CEP162: variants seen among roughly 807,000 people sequenced by gnomAD.
CEP162 encodes centrosomal protein 162.
A neutral mutation model predicts 169.2 loss-of-function variants in CEP162; 141 were observed. The observed-to-expected ratio is 0.83, with a 90% CI of 0.73 to 0.96. CEP162 has a LOEUF of 0.96. CEP162 is among the 40% of genes least tolerant of loss of function. The pLI is 0.00. For synonymous variants in CEP162, 540 were observed against 526.4 expected, an observed-to-expected ratio of 1.03 and a Z score of -0.35; for missense variants, 1,600 against 1,587.2, an observed-to-expected ratio of 1.01 and a Z score of -0.14.
chr6:84,160,612 A>C (rs527660822), intron 21 of CEP162, among the ~76,000 whole-genome samples, 200 bp downstream of exon 21: 12 of 152,316 alleles, frequency 7.9e-5, no homozygotes, highest in African/African-American at 2.9e-4. Flanking sequence ...CATCTTACGA[A>C]TGAGGCACAT....
intron 25 of CEP162, among the ~76,000 whole-genome samples, chr6:84,135,822 C>T (rs1272416693): frequency 6.6e-6 from 1 of 152,102 alleles, no homozygotes. Context: ...GAGATTGTGC[C>T]ACTGCACTCC....
chr6:84,151,778 C>G (rs2099521219), intron 23 of CEP162, among the ~76,000 whole-genome samples: 1 of 151,714 alleles, frequency 6.6e-6, no homozygotes, highest in African/African-American at 2.4e-5. Context: ...AGGGGAGAAG[C>G]CATTTCAGGA....
At chr6:84,188,888 AT>A (rs113812632) in intron 11 of CEP162, among the ~76,000 whole-genome samples, 3 of 150,924 alleles carry the variant, frequency 2.0e-5, no homozygotes, top group Non-Finnish European at 4.4e-5. Flanking sequence ...CAACCAGCAT[AT>A]TTTTTTTTGT....
chr6:84,155,346 A>G lies in CEP162; in HGVS notation c.2946T>C (p.Asp982=), dbSNP rs189932157. 80 of 1,613,628 alleles carry G rather than the reference A, an allele frequency of 5.0e-5. No homozygotes were observed. In the Admixed American group the frequency reaches 6.0e-4, roughly 12 times the overall value. The part of the protein sequence containing the change: ...LEADLEGKDE[D]AKKSLRTMEQ... The stretch of plus-strand genomic sequence containing the variant: ...CCATGGTACGAAGGCTTTTCTTTGC[A>G]TCTTCATCTTTGCCCTCCAGATCAG... The change falls in exon 22 of 27, where the codon GAT becomes GAC. Residue 982 remains aspartate, a synonymous_variant. Transcript: ENST00000403245.
chr6:84,160,624 A>C (rs1402248055), intron 21 of CEP162, among the ~76,000 whole-genome samples, 188 bp downstream of exon 21: 1 of 152,230 alleles, frequency 6.6e-6, no homozygotes, highest in East Asian at 1.9e-4. Flanking sequence ...GAGGCACATT[A>C]GTCTAAAAAT....
intron 25 of CEP162, among the ~76,000 whole-genome samples, chr6:84,131,428 C>T (rs2099511390): frequency 6.6e-6 from 1 of 152,108 alleles, no homozygotes; most frequent in Non-Finnish European, 1.5e-5. Context: ...GTTGATCTGT[C>T]TAATGTTGAC....
chr6:84,143,866 A>G (rs951880944), intron 25 of CEP162, among the ~76,000 whole-genome samples: 6 of 151,952 alleles, frequency 3.9e-5, no homozygotes, highest in Admixed American at 6.6e-5. Flanking sequence ...GAAAGCAAAG[A>G]TTTTGTGTTT....
intron 16 of CEP162, among the ~76,000 whole-genome samples, chr6:84,173,325 T>A (rs1331619109): frequency 1.3e-5 from 2 of 152,182 alleles, no homozygotes; most frequent in Non-Finnish European, 2.9e-5. Context: ...ATGCACTTAA[T>A]ACCCTGATAA....
Position 84,183,347 on chromosome 6 carries a change from A to T in CEP162, c.1663+1840T>A, listed in dbSNP as rs59620576. On this transcript the variant is annotated intron_variant, in intron 13 of 26. Coordinates refer to ENST00000403245, the MANE Select transcript of CEP162 (RefSeq NM_014895.4). ...TTCTTGGTCATTTCAGCATACTCAC[A>T]GGTGATCCTTTCAACTCCCTGGCTT... Among the ~76,000 whole-genome samples, 566 of 152,198 alleles carry T rather than the reference A, an allele frequency of 3.7e-3. 1 individual carries two copies. Among genetic ancestry groups the T allele is most frequent in the African/African-American group, 0.013 (534 of 41,538 alleles).
chr6:84,193,733 G>T, intron 10 of CEP162, 43 bp from the exon 11 acceptor site: 1 of 1,265,880 alleles, frequency 7.9e-7, no homozygotes, highest in South Asian at 1.4e-5. Context: ...ATGTTATGTA[G>T]GTTGCTTAAT....
intron 8 of CEP162, 64 bp from the exon 9 acceptor site, chr6:84,200,969 T>C: frequency 9.6e-7 from 1 of 1,038,178 alleles, no homozygotes. Context: ...GTTGATCTAA[T>C]ACAATTATTT....
intron 25 of CEP162, among the ~76,000 whole-genome samples, chr6:84,134,135 C>T (rs2129186861): frequency 6.6e-6 from 1 of 152,318 alleles, no homozygotes; most frequent in East Asian, 1.9e-4. Flanking sequence ...GTTCGAACTT[C>T]CTGTAGGCTT....
intron 1 of CEP162, among the ~76,000 whole-genome samples, chr6:84,227,218 T>C (rs2099556080): frequency 6.6e-6 from 1 of 152,142 alleles, no homozygotes; most frequent in Non-Finnish European, 1.5e-5. Flanking sequence ...AGCTTTCTTC[T>C]GTAGAGATGG....
intron 9 of CEP162, among the ~76,000 whole-genome samples, chr6:84,200,213 G>A (rs2099543930): frequency 6.6e-6 from 1 of 152,202 alleles, no homozygotes; most frequent in African/African-American, 2.4e-5. Flanking sequence ...TAGCGCCACT[G>A]CACTCCAGCC....
At chr6:84,171,576 T>C (rs775666161) in intron 17 of CEP162, 30 bp downstream of exon 17, 1 of 856,694 alleles carries the variant, frequency 1.2e-6, no homozygotes, top group Non-Finnish European at 1.7e-6. Flanking sequence ...TCTAAGTATA[T>C]TTGATTTTAA....
At chr6:84,153,806 T>A (rs998080327) in intron 22 of CEP162, among the ~76,000 whole-genome samples, 4 of 152,172 alleles carry the variant, frequency 2.6e-5, no homozygotes, top group Non-Finnish European at 5.9e-5. Context: ...ACTCAGTTAT[T>A]ATTTTCAAAT....
Position 84,199,208 on chromosome 6 carries a change from A to C in CEP162, c.835+1581T>G, listed in dbSNP as rs114049765. On this transcript the variant is annotated intron_variant, in intron 9 of 26. Transcript: ENST00000403245. ...ACGGTTCCTTAAATCAACAGCAGTA[A>C]AACTGAGGGACATGCACTCAGCACA... 3.4e-3 allele frequency among the ~76,000 whole-genome samples: 523 copies of C among 152,338 alleles called. 3 individuals carry two copies. Among genetic ancestry groups the C allele is most frequent in the African/African-American group, 0.012 (481 of 41,568 alleles).
In CEP162 at chr6:84,215,273, G is replaced by A. The variant is rs181752708; in HGVS notation, c.503+9C>T. On this transcript the variant is annotated intron_variant, in intron 5 of 26. Transcript: ENST00000403245. ...ATAAAAATCATTAATAGTTTACACTGTACTTTACCTATGTAAAGCTTTAAA... is the reference window on the plus strand; with the variant it reads ...ATAAAAATCATTAATAGTTTACACTATACTTTACCTATGTAAAGCTTTAAA... 1.3e-5 allele frequency: 19 copies of A among 1,472,096 alleles called. No homozygotes were observed. The Admixed American group carries it at 2.4e-4, about 18-fold the overall frequency. 91.2% of individuals were successfully genotyped at this position (1,472,096 alleles called of 1,614,324 possible).
chr6:84,206,919 TAG>T (rs2127739834), intron 6 of CEP162, among the ~76,000 whole-genome samples: 1 of 152,256 alleles, frequency 6.6e-6, no homozygotes, highest in East Asian at 1.9e-4. Context: ...AGGATATGAA[TAG>T]ATACTTCTCA....
Sources: allele counts gnomAD v4.1 joint callset (sites outside exome capture counted in the v4.1 genomes callset), GRCh38; gene constraint gnomAD v4.1.1; transcripts MANE v1.5; gene names NCBI Gene and HGNC (gene_info 2026-07-23, HGNC 2026-07-21).